PRKDC: variants seen among roughly 807,000 people sequenced by gnomAD.
The protein encoded by PRKDC is protein kinase, DNA-activated, catalytic subunit.
A neutral mutation model predicts 486.9 loss-of-function variants in PRKDC; 82 were observed. The ratio of observed to expected loss-of-function variants is 0.17; its 90% CI spans 0.14 to 0.20. The LOEUF (loss-of-function observed/expected upper bound fraction) is 0.20, where lower values mean the gene tolerates loss of function less well. Ranked by LOEUF, PRKDC falls within the 10% of genes least tolerant of loss-of-function variation. PRKDC has a pLI of 1.00. For synonymous variants in PRKDC, 1,895 were observed against 1,837.0 expected (o/e 1.03, Z -0.81); for missense variants, 4,504 against 5,038.2 (o/e 0.89, Z 3.21).
chr8:47,887,715 A>G lies in PRKDC; in HGVS notation c.4414-10T>C. The G allele has an allele frequency of 6.3e-7, 1 of 1,597,568 alleles. No homozygotes were observed. The highest frequency in any genetic ancestry group is 1.2e-5 in the South Asian group (1 of 86,714). ...GATGCAAATCTGTGGACTAAAAGGA[A>G]GCCAACACTGAAATGCCTAGCAAAA... On this transcript the variant is annotated splice_polypyrimidine_tract_variant and intron_variant, in intron 34 of 85. Coordinates refer to ENST00000314191, the MANE Select transcript of PRKDC (RefSeq NM_006904.7).
At chr8:47,785,379 T>A in intron 76 of PRKDC, 62 bp from the exon 77 acceptor site, 1 of 1,234,428 alleles carries the variant, frequency 8.1e-7, no homozygotes, top group African/African-American at 1.5e-5. Flanking sequence ...GAAAAGGCTC[T>A]AAGCTTATAA....
At chr8:47,861,755 G>A in intron 44 of PRKDC, among the ~76,000 whole-genome samples, 1 of 152,206 alleles carries the variant, frequency 6.6e-6, no homozygotes, top group East Asian at 1.9e-4. Flanking sequence ...GCCACTGTAA[G>A]GATCTCAACT....
chr8:47,827,854 T>C (rs55888064), intron 62 of PRKDC, among the ~76,000 whole-genome samples: 3 of 152,162 alleles, frequency 2.0e-5, no homozygotes, highest in Admixed American at 2.0e-4. Context: ...CAGAAAGAAT[T>C]TGGTGAAATA....
rs756919982 is a variant in PRKDC, at chr8:47,929,955, T to C, written c.1950A>G (p.Ser650=). 3.1e-6 allele frequency: 5 copies of C among 1,610,994 alleles called. No individual in the cohort carries two copies. The highest frequency in any genetic ancestry group is 2.7e-5 in the African/African-American group (2 of 74,822). Residue 650 remains serine, a synonymous_variant, in exon 18 of 86, where the codon TCA becomes TCG. Coordinates refer to ENST00000314191, the MANE Select transcript of PRKDC (RefSeq NM_006904.7). The part of the protein sequence containing the change: ...EFFEPWVYSF[S]YELILQSTRL... ...TTGTAGATTGCAAAATTAATTCATA[T>C]GAAAATGAGTACACCCATGGTTCAA... is the stretch of plus-strand genomic sequence containing the variant.
At chr8:47,784,044 G>A (rs1036360812) in intron 77 of PRKDC, 1 of 472,832 alleles carries the variant, frequency 2.1e-6, no homozygotes, top group African/African-American at 2.0e-5. Context: ...AGATCATGAG[G>A]TCAGGAGACA....
chr8:47,884,683 T>G (rs1374362405), intron 36 of PRKDC, among the ~76,000 whole-genome samples: 1 of 152,170 alleles, frequency 6.6e-6, no homozygotes, highest in African/African-American at 2.4e-5. Context: ...CACAAAAGAT[T>G]CCCCTACAAC....
rs1205921869 is a variant in PRKDC, at chr8:47,898,473, G to A, written c.3461C>T (p.Pro1154Leu). 44 of 1,551,948 alleles carry A rather than the reference G, an allele frequency of 2.8e-5. No individual in the cohort carries two copies. The highest frequency in any genetic ancestry group is 3.7e-5 in the Non-Finnish European group (42 of 1,143,798). ...SLNKAKKRRL[P>L]RGFPPSASLC... ...AAAAGGAAGCAAGATCACCTACCGCGGCAAACGTCGTTTCTTTGCTTTATT... is the reference window on the plus strand; with the variant it reads ...AAAAGGAAGCAAGATCACCTACCGCAGCAAACGTCGTTTCTTTGCTTTATT... Residue 1154 changes from proline to leucine, a missense_variant, in exon 29 of 86, where the codon CCG becomes CTG. By Grantham distance (98) the Pro-to-Leu change is moderately conservative. This residue lies in a region of PRKDC where 1,969 missense variants were observed against 2,068.9 expected (regional missense o/e 0.95). Transcript: ENST00000314191.
chr8:47,886,097 C>T lies in PRKDC; in HGVS notation c.4623G>A (p.Ala1541=), dbSNP rs1272814002. 2.6e-5 allele frequency: 42 copies of T among 1,613,338 alleles called. No homozygotes were observed. Among genetic ancestry groups the T allele is most frequent in the Non-Finnish European group, 3.1e-5 (36 of 1,179,868 alleles). ...LLLNPAVLST[A]SLGSSQGSVI... is the part of the protein sequence containing the mutation. ...CGCTGCCCTGTGAGCTGCCCAAGGA[C>T]GCCGTGGACAGCACCGCTGGGTTCA... Residue 1541 remains alanine (A), a synonymous_variant, in exon 36 of 86, where the codon GCG becomes GCA. Transcript: ENST00000314191.
chr8:47,848,312 A>T (rs560218498), intron 54 of PRKDC, among the ~76,000 whole-genome samples: 1 of 152,372 alleles, frequency 6.6e-6, no homozygotes, highest in Admixed American at 6.5e-5. Context: ...GCCATAAAAA[A>T]GAATGAAATG....
At chr8:47,867,052 T>C (rs896122550) in intron 40 of PRKDC, among the ~76,000 whole-genome samples, 9 of 152,238 alleles carry the variant, frequency 5.9e-5, no homozygotes, top group Non-Finnish European at 1.3e-4. Context: ...TGTGGCATTA[T>C]GTTTAACAGC....
intron 31 of PRKDC, among the ~76,000 whole-genome samples, chr8:47,891,426 A>C (rs1332534276): frequency 6.6e-6 from 1 of 152,198 alleles, no homozygotes; most frequent in Admixed American, 6.5e-5. Context: ...AACTTATATT[A>C]AGAATTATTC....
At chr8:47,853,186 A>C (rs1275188396) in intron 51 of PRKDC, among the ~76,000 whole-genome samples, 4 of 152,232 alleles carry the variant, frequency 2.6e-5, no homozygotes, top group East Asian at 1.9e-4. Flanking sequence ...CTGTGTGAGG[A>C]GGCTTCCCAG....
chr8:47,821,584 C>G lies in PRKDC; in HGVS notation c.9111+20G>C, dbSNP rs1259050179. Reference sequence around the variant, plus strand: ...CTATCTAAAATAATTATTTCAATCACTTAAAATAATTTTACCCACCTGATA... The same window carrying G: ...CTATCTAAAATAATTATTTCAATCAGTTAAAATAATTTTACCCACCTGATA... On this transcript the variant is annotated intron_variant, in intron 65 of 85. Transcript: ENST00000314191. The G allele has an allele frequency of 1.2e-5, 18 of 1,564,280 alleles. No individual in the cohort carries two copies. Among genetic ancestry groups the G allele is most frequent in the Non-Finnish European group, 1.6e-5 (18 of 1,150,168 alleles).
intron 58 of PRKDC, 32 bp from the exon 59 acceptor site, chr8:47,834,428 C>T (rs567410653): frequency 6.2e-7 from 1 of 1,605,762 alleles, no homozygotes; most frequent in African/African-American, 1.3e-5. Flanking sequence ...GTCAGGCACT[C>T]AGCATCACCC....
At chr8:47,837,882 T>A (rs566436994) in intron 56 of PRKDC, among the ~76,000 whole-genome samples, 1 of 152,134 alleles carries the variant, frequency 6.6e-6, no homozygotes, top group Admixed American at 6.5e-5. Context: ...AGGCGTGTAA[T>A]CCCAGCACTT....
intron 56 of PRKDC, among the ~76,000 whole-genome samples, chr8:47,838,863 C>T (rs1589733073): frequency 6.6e-6 from 1 of 152,308 alleles, no homozygotes; most frequent in African/African-American, 2.4e-5. Context: ...ATTGTCATTA[C>T]AGACTTTCTT....
chr8:47,884,770 A>T (rs181392030), intron 36 of PRKDC, among the ~76,000 whole-genome samples: 1 of 152,248 alleles, frequency 6.6e-6, no homozygotes, highest in Non-Finnish European at 1.5e-5. Flanking sequence ...ATCAACAGTT[A>T]ACAGTTTCTG....
intron 10 of PRKDC, among the ~76,000 whole-genome samples, chr8:47,941,191 G>A (rs888456560): frequency 1.3e-5 from 2 of 151,428 alleles, no homozygotes; most frequent in African/African-American, 2.4e-5. Context: ...ATGTCACTGT[G>A]AGGAAAATAT....
intron 74 of PRKDC, among the ~76,000 whole-genome samples, chr8:47,790,904 A>T (rs2086871886): frequency 6.6e-6 from 1 of 152,192 alleles, no homozygotes; most frequent in Admixed American, 6.5e-5. Flanking sequence ...CACATACAAA[A>T]ATCAAATCCA....
Sources: allele counts gnomAD v4.1 joint callset (sites outside exome capture counted in the v4.1 genomes callset), GRCh38; gene constraint gnomAD v4.1.1; regional missense constraint gnomAD v4.1.1; transcripts MANE v1.5; gene names NCBI Gene and HGNC (gene_info 2026-07-23, HGNC 2026-07-21).